Variants in MID1 observed in about 807,000 individuals in gnomAD.
MID1 encodes the protein E3 ubiquitin-protein ligase Midline-1.
Under a neutral mutation model 40.4 loss-of-function variants are expected in MID1, and 7 were observed. The ratio of observed to expected loss-of-function variants is 0.17; its 90% CI spans 0.10 to 0.33. The LOEUF (loss-of-function observed/expected upper bound fraction) is 0.33, where lower values mean the gene tolerates loss of function less well. Among genes scored for constraint, MID1 ranks in the 10% least tolerant of loss-of-function variants. The pLI is 1.00. For synonymous variants in MID1, 229 were observed against 221.2 expected (o/e 1.04, Z -0.31); for missense variants, 367 against 558.5 (o/e 0.66, Z 3.46).
chrX:10,598,947 T>C (rs557211600), intron 1 of MID1, among the ~76,000 whole-genome samples: 2 of 111,861 alleles, frequency 1.8e-5, no homozygotes, highest in African/African-American at 6.5e-5. Context: ...TATGCAGCAA[T>C]AGTAAATGAA....
chrX:10,685,870 ATACT>A (rs902200273), intron 1 of MID1, among the ~76,000 whole-genome samples: 3 of 81,626 alleles, frequency 3.7e-5, no homozygotes, highest in Admixed American at 3.1e-4. Context: ...TACACCCCAC[ATACT>A]CATACACACA....
chrX:10,735,435 T>TAG (rs1480192614), intron 1 of MID1, among the ~76,000 whole-genome samples: 1 of 111,771 alleles, frequency 8.9e-6, no homozygotes, highest in African/African-American at 3.3e-5. Context: ...CACAGTAAGG[T>TAG]AGTAGCCTTT....
At chrX:10,472,888 C>G (rs922567708) in intron 6 of MID1, among the ~76,000 whole-genome samples, 3 of 112,318 alleles carry the variant, frequency 2.7e-5, no homozygotes, top group Non-Finnish European at 3.8e-5. Flanking sequence ...ACACAGGCTT[C>G]TCTTCTGTGA....
At chrX:10,594,773 T>C (rs1444270019) in intron 1 of MID1, among the ~76,000 whole-genome samples, 1 of 112,003 alleles carries the variant, frequency 8.9e-6, no homozygotes, top group African/African-American at 3.2e-5. Flanking sequence ...TATACCCTAA[T>C]AGAGTAGCGC....
At chrX:10,762,172 C>G (rs2043683741) in intron 1 of MID1, among the ~76,000 whole-genome samples, 2 of 112,298 alleles carry the variant, frequency 1.8e-5, no homozygotes, top group Non-Finnish European at 3.8e-5. Context: ...TCAGTACAAT[C>G]TGTGAGAGAA....
At chrX:10,698,899 A>G (rs2043178034) in intron 1 of MID1, among the ~76,000 whole-genome samples, 1 of 111,445 alleles carries the variant, frequency 9.0e-6, no homozygotes, top group African/African-American at 3.3e-5. Context: ...AAATCTGCAT[A>G]AACAAATAAA....
intron 1 of MID1, among the ~76,000 whole-genome samples, chrX:10,825,717 A>G (rs1304999395): frequency 1.8e-5 from 2 of 111,636 alleles, no homozygotes; most frequent in East Asian, 5.7e-4. Context: ...AACTGAAGTT[A>G]ATAGCTGTCC....
At chrX:10,588,984 C>T (rs940702401) in intron 1 of MID1, among the ~76,000 whole-genome samples, 3 of 111,561 alleles carry the variant, frequency 2.7e-5, no homozygotes, top group Non-Finnish European at 5.6e-5. Flanking sequence ...AATTTTTCAA[C>T]ATAGTTCCTA....
chrX:10,794,247 C>A (rs2043953890), intron 1 of MID1, among the ~76,000 whole-genome samples: 1 of 111,813 alleles, frequency 8.9e-6, no homozygotes, highest in Admixed American at 9.5e-5. Context: ...AGGCCCTAAC[C>A]CATACCGACC....
In MID1 at chrX:10,521,946, C is replaced by T. The variant is rs754515379; in HGVS notation, c.756+1146G>A. On this transcript the variant is annotated intron_variant, in intron 3 of 9. Coordinates refer to ENST00000317552, the MANE Select transcript of MID1 (RefSeq NM_000381.4). ...CCTCGATTTCCCAGGCTTGGGTGAT[C>T]CTCCCACCTCAGCCTCCCAAGTAAC... is the stretch of plus-strand genomic sequence containing the variant. 1.1e-3 allele frequency among the ~76,000 whole-genome samples: 123 copies of T among 111,608 alleles called. 1 individual carries two copies. The highest frequency in any genetic ancestry group is 1.8e-3 in the Non-Finnish European group (97 of 53,019).
In MID1 at chrX:10,518,612, T is replaced by C. The variant is rs759935135; in HGVS notation, c.756+4480A>G. 8.4e-4 allele frequency among the ~76,000 whole-genome samples: 94 copies of C among 111,942 alleles called. 1 individual carries two copies. The highest frequency in any genetic ancestry group is 1.7e-3 in the Non-Finnish European group (88 of 53,224). On this transcript the variant is annotated intron_variant, in intron 3 of 9. Coordinates refer to ENST00000317552, the MANE Select transcript of MID1 (RefSeq NM_000381.4). ...GACTAATTCATTCATTATAGGAGAA[T>C]TGGGTGTTCAACTTTTGAAAATTAT... is the stretch of plus-strand genomic sequence containing the variant.
At chrX:10,692,131 C>T (rs2043134926) in intron 1 of MID1, among the ~76,000 whole-genome samples, 1 of 111,473 alleles carries the variant, frequency 9.0e-6, no homozygotes, top group Admixed American at 9.5e-5. Flanking sequence ...CTAATTTTGC[C>T]CTTGCATTGT....
chrX:10,765,585 A>G (rs549574925), intron 1 of MID1, among the ~76,000 whole-genome samples: 2 of 111,799 alleles, frequency 1.8e-5, no homozygotes, highest in African/African-American at 3.2e-5. Flanking sequence ...GTTTTAAACC[A>G]TTATAGCCAA....
chrX:10,827,851 G>T (rs1055266329), intron 1 of MID1, among the ~76,000 whole-genome samples: 1 of 111,141 alleles, frequency 9.0e-6, no homozygotes, highest in Non-Finnish European at 1.9e-5. Context: ...CGACTCAGTT[G>T]AAAAGTTAAG....
intron 1 of MID1, among the ~76,000 whole-genome samples, chrX:10,718,459 A>T (rs2043322292): frequency 8.9e-6 from 1 of 112,174 alleles, no homozygotes. Flanking sequence ...GAAATGGATA[A>T]ATTCCTTGAC....
At chrX:10,776,789 GT>G (rs1361944310) in intron 1 of MID1, among the ~76,000 whole-genome samples, 4 of 111,494 alleles carry the variant, frequency 3.6e-5, no homozygotes, top group African/African-American at 1.3e-4. Context: ...TTCTAAAAAA[GT>G]TTTAAAAATA....
At chrX:10,759,452 G>A (rs750847488) in intron 1 of MID1, among the ~76,000 whole-genome samples, 2 of 111,550 alleles carry the variant, frequency 1.8e-5, no homozygotes, top group Non-Finnish European at 3.8e-5. Context: ...GATGAGAAAC[G>A]CTTCTGGTGA....
chrX:10,827,355 A>C (rs1417899969), intron 1 of MID1, among the ~76,000 whole-genome samples: 1 of 110,929 alleles, frequency 9.0e-6, no homozygotes, highest in Non-Finnish European at 1.9e-5. Flanking sequence ...GCATTATTTT[A>C]AAACAAGCCT....
Position 10,730,710 on chromosome X carries a change from T to C in MID1, c.-187+102844A>G, listed in dbSNP as rs772590727. 6.0e-3 allele frequency among the ~76,000 whole-genome samples: 659 copies of C among 109,148 alleles called. 10 individuals carry two copies. Among genetic ancestry groups the C allele is most frequent in the African/African-American group, 0.021 (619 of 29,976 alleles). 94.8% of individuals were successfully genotyped at this position (109,148 alleles called of 115,157 possible). ...CCTCAGCCTCCCGAGTAGCTGGGAC[T>C]ACAGGCGCCCGCCACCACGCCCGGC... On this transcript the variant is annotated intron_variant, in intron 1 of 10. Coordinates refer to the MID1 transcript ENST00000380785.
Sources: allele counts gnomAD v4.1 joint callset (sites outside exome capture counted in the v4.1 genomes callset), GRCh38; gene constraint gnomAD v4.1.1; transcripts MANE v1.5; gene names NCBI Gene and HGNC (gene_info 2026-07-23, HGNC 2026-07-21).